HS3ST5: variants seen among roughly 807,000 people sequenced by gnomAD.
HS3ST5 encodes heparan sulfate glucosamine 3-O-sulfotransferase 5.
Under a neutral mutation model 25.4 loss-of-function variants are expected in HS3ST5, and 10 were observed. That is an observed-to-expected ratio of 0.39 (90% confidence interval 0.24 to 0.67). The LOEUF is 0.67. HS3ST5 is among the 30% of genes least tolerant of loss of function. The probability of loss-of-function intolerance (pLI) is 0.44; values close to 1 mark genes in which losing one functional copy is unlikely to be tolerated. For missense variants in HS3ST5, 324 were observed against 420.7 expected (o/e 0.77, Z 2.01); for synonymous variants, 170 against 162.4 (o/e 1.05, Z -0.36).
chr6:114,178,287 A>G (rs1283045002), intron 2 of HS3ST5, among the ~76,000 whole-genome samples: 1 of 152,166 alleles, frequency 6.6e-6, no homozygotes, highest in African/African-American at 2.4e-5. Context: ...TAGATGTGAA[A>G]ACTGGTTTAT....
intron 1 of HS3ST5, among the ~76,000 whole-genome samples, chr6:114,249,828 A>T (rs1772565475): frequency 6.6e-6 from 1 of 152,160 alleles, no homozygotes; most frequent in Non-Finnish European, 1.5e-5. Context: ...TGTTATCAAA[A>T]CACTTCCCAA....
intron 1 of HS3ST5, among the ~76,000 whole-genome samples, chr6:114,297,681 T>C (rs1325285204): frequency 6.6e-6 from 1 of 152,172 alleles, no homozygotes; most frequent in African/African-American, 2.4e-5. Flanking sequence ...ATATGGGGAA[T>C]ACAGAACAGG....
At chr6:114,219,809 T>C (rs902861379) in intron 2 of HS3ST5, among the ~76,000 whole-genome samples, 3 of 152,180 alleles carry the variant, frequency 2.0e-5, no homozygotes. Flanking sequence ...GTACCATGTG[T>C]ACTGGAACAG....
chr6:114,216,151 G>A (rs1166961315), intron 2 of HS3ST5, among the ~76,000 whole-genome samples: 1 of 152,130 alleles, frequency 6.6e-6, no homozygotes, highest in East Asian at 1.9e-4. Flanking sequence ...GAGGTGTTTT[G>A]ACATTAGGTT....
chr6:114,084,722 T>C, intron 3 of HS3ST5: 1 of 1,122,298 alleles, frequency 8.9e-7, no homozygotes, highest in South Asian at 1.2e-5. Flanking sequence ...CTGGATTTGG[T>C]TAGTGAAGGT....
intron 3 of HS3ST5, among the ~76,000 whole-genome samples, chr6:114,066,973 A>G (rs1040073642): frequency 6.6e-6 from 1 of 152,188 alleles, no homozygotes; most frequent in African/African-American, 2.4e-5. Context: ...CCCAGTGTGG[A>G]CAGTCAGCTT....
intron 2 of HS3ST5, among the ~76,000 whole-genome samples, chr6:114,183,108 C>G (rs1780044193): frequency 6.6e-6 from 1 of 152,084 alleles, no homozygotes; most frequent in Non-Finnish European, 1.5e-5. Flanking sequence ...TTGCAAATGG[C>G]AGATCATGGG....
At chr6:114,268,600 T>C (rs568007563) in intron 1 of HS3ST5, among the ~76,000 whole-genome samples, 29 of 152,330 alleles carry the variant, frequency 1.9e-4, no homozygotes, top group Non-Finnish European at 2.9e-4. Flanking sequence ...AGCTAGCTGA[T>C]AGATTAGCAA....
At chr6:114,298,871 G>T (rs1371102153) in intron 1 of HS3ST5, among the ~76,000 whole-genome samples, 1 of 152,108 alleles carries the variant, frequency 6.6e-6, no homozygotes, top group African/African-American at 2.4e-5. Context: ...CACAAGCTGA[G>T]GAGTATGTAT....
chr6:114,338,258 A>C (rs931169582), intron 1 of HS3ST5, among the ~76,000 whole-genome samples: 2 of 151,866 alleles, frequency 1.3e-5, no homozygotes, highest in African/African-American at 4.8e-5. Flanking sequence ...ATAAACAGAA[A>C]CATAAATATA....
chr6:114,237,653 T>C (rs1771921288), intron 1 of HS3ST5, among the ~76,000 whole-genome samples: 1 of 152,182 alleles, frequency 6.6e-6, no homozygotes, highest in Non-Finnish European at 1.5e-5. Context: ...TGAATACATG[T>C]CCTCCAAGCA....
At chr6:114,248,217 A>AAATATAT (rs779273890) in intron 1 of HS3ST5, among the ~76,000 whole-genome samples, 9 of 143,152 alleles carry the variant, frequency 6.3e-5, no homozygotes, top group East Asian at 2.0e-4. Context: ...TGAAAAAAAA[A>AAATATAT]ATATATATAT....
intron 2 of HS3ST5, among the ~76,000 whole-genome samples, chr6:114,202,179 G>A (rs12525148): frequency 5.3e-5 from 8 of 152,256 alleles, no homozygotes; most frequent in Admixed American, 5.2e-4. Context: ...CTAGCACTTT[G>A]AGAGGTTGAG....
intron 3 of HS3ST5, among the ~76,000 whole-genome samples, chr6:114,083,965 AAT>A (rs1242123135): frequency 6.6e-6 from 1 of 152,116 alleles, no homozygotes; most frequent in Non-Finnish European, 1.5e-5. Context: ...TAATATGTTG[AAT>A]GGTATTATCC....
At chr6:114,078,382 T>TG (rs1302626074) in intron 3 of HS3ST5, among the ~76,000 whole-genome samples, 2 of 151,376 alleles carry the variant, frequency 1.3e-5, no homozygotes, top group Non-Finnish European at 2.9e-5. Flanking sequence ...AATTTTGGTA[T>TG]TTTTTTTAGT....
At chr6:114,087,294 G>C (rs145271962) in intron 3 of HS3ST5, among the ~76,000 whole-genome samples, 1 of 152,256 alleles carries the variant, frequency 6.6e-6, no homozygotes, top group African/African-American at 2.4e-5. Flanking sequence ...TTCCTTCCCT[G>C]CATGATGCCC....
intron 2 of HS3ST5, among the ~76,000 whole-genome samples, chr6:114,214,495 C>G (rs1484404308): frequency 6.6e-6 from 1 of 152,192 alleles, no homozygotes. Context: ...TATTTCCTCA[C>G]TCTGTTGTAA....
chr6:114,258,988 T>C (rs1773051492), intron 1 of HS3ST5, among the ~76,000 whole-genome samples: 1 of 152,198 alleles, frequency 6.6e-6, no homozygotes, highest in Admixed American at 6.5e-5. Context: ...CAGATTCTCA[T>C]TTTGAGACAC....
intron 3 of HS3ST5, among the ~76,000 whole-genome samples, chr6:114,092,974 C>T (rs755201385): frequency 6.6e-6 from 1 of 151,858 alleles, no homozygotes; most frequent in African/African-American, 2.4e-5. Context: ...TGCACCTGGC[C>T]GATGTCAGGC....
Sources: gnomAD v4.1 joint callset for allele counts (sites outside exome capture counted in the v4.1 genomes callset) on GRCh38, gnomAD v4.1.1 for gene constraint, MANE v1.5 for transcripts, NCBI Gene and HGNC (gene_info 2026-07-23, HGNC 2026-07-21) for gene names.